HEMK2: variants seen among roughly 807,000 people sequenced by gnomAD.
HEMK2 encodes the protein methyltransferase HEMK2.
At chr21:28,647,398 C>G in the HEMK2 span, among the ~76,000 whole-genome samples, 1 of 146,662 alleles carries the variant, frequency 6.8e-6, no homozygotes, top group Non-Finnish European at 1.5e-5. Context: ...GTCCCAGCTA[C>G]TCAGGAGGCT....
the HEMK2 span, among the ~76,000 whole-genome samples, chr21:28,756,885 G>A: frequency 6.6e-6 from 1 of 152,182 alleles, no homozygotes; most frequent in African/African-American, 2.4e-5. Flanking sequence ...TTCTCAAGAA[G>A]GGTGTCTAAG....
chr21:28,672,596 C>G, the HEMK2 span, among the ~76,000 whole-genome samples: 1 of 152,048 alleles, frequency 6.6e-6, no homozygotes, highest in Admixed American at 6.6e-5. Context: ...AGGAGGTGGT[C>G]TTTCTCCTCT....
At chr21:28,743,374 C>T in the HEMK2 span, 3 of 152,128 alleles carry the variant, frequency 2.0e-5, no homozygotes, top group African/African-American at 7.2e-5. Context: ...AGGGTCACTT[C>T]AACAACAGAA....
At chr21:28,705,300 T>C in the HEMK2 span, among the ~76,000 whole-genome samples, 1 of 151,438 alleles carries the variant, frequency 6.6e-6, no homozygotes, top group Non-Finnish European at 1.5e-5. Context: ...TTTCATTGAT[T>C]TGAATAATTT....
chr21:28,625,637 G>C, the HEMK2 span, among the ~76,000 whole-genome samples: 17 of 152,066 alleles, frequency 1.1e-4, no homozygotes, highest in Admixed American at 6.6e-5. Context: ...CTTGAATCCA[G>C]GAGGTGGAGG....
At chr21:28,623,897 T>G in the HEMK2 span, among the ~76,000 whole-genome samples, 1 of 152,074 alleles carries the variant, frequency 6.6e-6, no homozygotes. Context: ...GACGGGTTGA[T>G]GGTGCAGCAA....
chr21:28,624,855 G>T, the HEMK2 span, among the ~76,000 whole-genome samples: 2 of 152,158 alleles, frequency 1.3e-5, no homozygotes, highest in Non-Finnish European at 2.9e-5. Flanking sequence ...ACTACACCAA[G>T]CACCAAAGAG....
chr21:28,848,584 TTTATG>T, the HEMK2 span, among the ~76,000 whole-genome samples: 1 of 152,196 alleles, frequency 6.6e-6, no homozygotes, highest in African/African-American at 2.4e-5. Flanking sequence ...TCTGAATGGC[TTTATG>T]TTTTCTAATT....
At chr21:28,743,438 G>A in the HEMK2 span, 2 of 152,162 alleles carry the variant, frequency 1.3e-5, no homozygotes, top group African/African-American at 4.8e-5. Context: ...GTGTTGACTG[G>A]GTTGAATTCA....
the HEMK2 span, among the ~76,000 whole-genome samples, chr21:28,656,769 C>T: frequency 6.6e-6 from 1 of 152,016 alleles, no homozygotes; most frequent in Non-Finnish European, 1.5e-5. Context: ...GCAAGATAAG[C>T]CCATCAACCA....
the HEMK2 span, among the ~76,000 whole-genome samples, chr21:28,848,084 G>C: frequency 2.6e-5 from 4 of 152,144 alleles, no homozygotes; most frequent in Admixed American, 1.3e-4. Flanking sequence ...TTTTTGCTTA[G>C]GATTGCTTTG....
the HEMK2 span, among the ~76,000 whole-genome samples, chr21:28,841,315 A>ATT: frequency 9.2e-5 from 1 of 10,818 alleles, no homozygotes; most frequent in African/African-American, 7.5e-4. Context: ...TATAATATAT[A>ATT]ATATATATTA....
the HEMK2 span, among the ~76,000 whole-genome samples, chr21:28,737,130 T>C: frequency 3.3e-5 from 5 of 152,216 alleles, no homozygotes; most frequent in Admixed American, 2.0e-4. Context: ...GGTTGGTTAA[T>C]TGGTTGGTTT....
chr21:28,861,695 T>C, the HEMK2 span, among the ~76,000 whole-genome samples: 1 of 152,180 alleles, frequency 6.6e-6, no homozygotes, highest in Non-Finnish European at 1.5e-5. Context: ...ACAATTCCAA[T>C]GCCAACTAGG....
At chr21:28,815,000 A>G in the HEMK2 span, among the ~76,000 whole-genome samples, 1 of 152,170 alleles carries the variant, frequency 6.6e-6, no homozygotes, top group African/African-American at 2.4e-5. Flanking sequence ...ACAATGATAG[A>G]CTGGATTAAG....
the HEMK2 span, among the ~76,000 whole-genome samples, chr21:28,627,831 C>G: frequency 6.6e-6 from 1 of 152,144 alleles, no homozygotes; most frequent in African/African-American, 2.4e-5. Context: ...TTGAAAGTAC[C>G]ACTGATTGGT....
At chr21:28,627,296 A>C in the HEMK2 span, among the ~76,000 whole-genome samples, 1 of 152,234 alleles carries the variant, frequency 6.6e-6, no homozygotes, top group Non-Finnish European at 1.5e-5. Flanking sequence ...GTGGTTACAC[A>C]AGGGCATACA....
the HEMK2 span, among the ~76,000 whole-genome samples, chr21:28,825,757 G>T: frequency 1.3e-5 from 2 of 152,202 alleles, no homozygotes; most frequent in African/African-American, 4.8e-5. Context: ...AACCATAAAA[G>T]TTGGGTGACC....
chr21:28,855,558 T>C, the HEMK2 span, among the ~76,000 whole-genome samples: 2 of 152,172 alleles, frequency 1.3e-5, no homozygotes, highest in Admixed American at 1.3e-4. Context: ...CAACAGAATA[T>C]ACATTCTTCT....
Sources: gnomAD v4.1 joint callset for allele counts (sites outside exome capture counted in the v4.1 genomes callset) on GRCh38, gnomAD v4.1.1 for gene constraint, MANE v1.5 for transcripts, NCBI Gene and HGNC (gene_info 2026-07-23, HGNC 2026-07-21) for gene names.